RBMS3: variants seen among roughly 807,000 people sequenced by gnomAD.
RBMS3 encodes RNA binding motif single stranded interacting protein 3.
A neutral mutation model predicts 66.8 loss-of-function variants in RBMS3; 27 were observed. The ratio of observed to expected loss-of-function variants is 0.40; its 90% CI spans 0.30 to 0.56. RBMS3 has a LOEUF of 0.56. Among genes scored for constraint, RBMS3 ranks in the 20% least tolerant of loss-of-function variants. RBMS3 has a pLI of 0.40. For synonymous variants in RBMS3, 188 were observed against 183.0 expected (o/e 1.03, Z -0.22); for missense variants, 513 against 549.5 (o/e 0.93, Z 0.66).
intron 3 of RBMS3, among the ~76,000 whole-genome samples, chr3:29,578,303 G>A (rs1309989690): frequency 6.6e-6 from 1 of 152,084 alleles, no homozygotes; most frequent in Non-Finnish European, 1.5e-5. Flanking sequence ...TGTTTTGTTT[G>A]GCTTGTTTTT....
chr3:29,711,638 A>G (rs922386224), intron 4 of RBMS3, among the ~76,000 whole-genome samples: 3 of 152,178 alleles, frequency 2.0e-5, no homozygotes, highest in Middle Eastern at 3.2e-3. Flanking sequence ...TCTCAGAATG[A>G]GCTTGTGGCA....
At chr3:29,352,072 T>C (rs922613684) in intron 1 of RBMS3, among the ~76,000 whole-genome samples, 1 of 152,038 alleles carries the variant, frequency 6.6e-6, no homozygotes, top group Non-Finnish European at 1.5e-5. Flanking sequence ...TCTGAATTCT[T>C]CTATTTTTTA....
intron 7 of RBMS3, among the ~76,000 whole-genome samples, chr3:29,882,869 A>T (rs17271872): frequency 0.013 from 2,052 of 152,172 alleles, 46 homozygotes; most frequent in African/African-American, 0.047. Context: ...TTCATAGCTC[A>T]TCCACTTTTT....
rs539483785 is a variant in RBMS3, at chr3:29,822,135, G to T, written c.638-46723G>T. Among the ~76,000 whole-genome samples, 78 of 152,242 alleles carry T rather than the reference G, an allele frequency of 5.1e-4. 1 individual carries two copies. The highest frequency in any genetic ancestry group is 1.8e-3 in the African/African-American group (76 of 41,560). ...TGTGTGCTTTTCATCACAGTGGCAG[G>T]TGCTTCTCTTTTTTTCACATTTGCT... On this transcript the variant is annotated intron_variant, in intron 6 of 14. Transcript: ENST00000383767.
chr3:29,712,510 A>G (rs1335181147), intron 4 of RBMS3, among the ~76,000 whole-genome samples: 1 of 152,000 alleles, frequency 6.6e-6, no homozygotes. Flanking sequence ...ACAGAGTTTC[A>G]CCATGTTGTC....
At chr3:29,665,814 G>A (rs1372598998) in intron 4 of RBMS3, among the ~76,000 whole-genome samples, 1 of 152,130 alleles carries the variant, frequency 6.6e-6, no homozygotes, top group Non-Finnish European at 1.5e-5. Flanking sequence ...GATTCTATAT[G>A]AAACTTACCA....
At chr3:29,985,632 G>A (rs1216113986) in intron 12 of RBMS3, among the ~76,000 whole-genome samples, 3 of 152,110 alleles carry the variant, frequency 2.0e-5, no homozygotes, top group Admixed American at 1.3e-4. Flanking sequence ...CTTCCCAGGT[G>A]AGGCGATACC....
intron 1 of RBMS3, among the ~76,000 whole-genome samples, chr3:29,358,745 T>C (rs1320194045): frequency 1.3e-5 from 2 of 152,172 alleles, no homozygotes; most frequent in African/African-American, 2.4e-5. Context: ...GTAGTTCTCC[T>C]TGAAGAGGTC....
At chr3:29,430,624 C>T (rs1467886883) in intron 1 of RBMS3, among the ~76,000 whole-genome samples, 1 of 152,080 alleles carries the variant, frequency 6.6e-6, no homozygotes, top group African/African-American at 2.4e-5. Context: ...ACAAAGAGCC[C>T]TAGGGGGGAA....
At chr3:29,473,263 T>C (rs1019857870) in intron 2 of RBMS3, among the ~76,000 whole-genome samples, 5 of 150,884 alleles carry the variant, frequency 3.3e-5, no homozygotes, top group African/African-American at 1.2e-4. Context: ...TTTACAAACC[T>C]TGAGCTAGAG....
intron 6 of RBMS3, among the ~76,000 whole-genome samples, chr3:29,866,330 T>C (rs1577030157): frequency 6.6e-6 from 1 of 152,274 alleles, no homozygotes. Context: ...AACTTACCTG[T>C]GGGTGTAATG....
intron 12 of RBMS3, among the ~76,000 whole-genome samples, chr3:29,945,628 AT>A (rs1277149741): frequency 6.6e-6 from 1 of 151,766 alleles, no homozygotes; most frequent in Non-Finnish European, 1.5e-5. Context: ...ATTTACCAAT[AT>A]TCATAAAAAT....
At chr3:29,452,333 T>C (rs2042043172) in intron 2 of RBMS3, among the ~76,000 whole-genome samples, 1 of 152,126 alleles carries the variant, frequency 6.6e-6, no homozygotes, top group Non-Finnish European at 1.5e-5. Context: ...GAAGCAAAAA[T>C]GAGAAAACCC....
intron 4 of RBMS3, among the ~76,000 whole-genome samples, chr3:29,668,183 TAGGACTGGAGG>T (rs1376740977): frequency 6.6e-6 from 1 of 152,188 alleles, no homozygotes; most frequent in African/African-American, 2.4e-5. Context: ...ACAAAAATGT[TAGGACTGGAGG>T]AGAAAAGAGC....
rs930374020 is a variant in RBMS3 at position 29,414,534 on chromosome 3, T to C, written c.76-20209T>C. Among the ~76,000 whole-genome samples the C allele has an allele frequency of 4.6e-5, 7 of 152,356 alleles. 1 individual carries two copies. The highest frequency in any genetic ancestry group is 6.8e-3 in the Middle Eastern group (2 of 294). ...CATTTTCTTGCTATTTATCCATGCT[T>C]GGAATTACTTCATTCATTAGTTCTG... On this transcript the variant is annotated intron_variant, in intron 1 of 14. Transcript: ENST00000383767.
chr3:29,505,030 A>G (rs2044129687), intron 3 of RBMS3, among the ~76,000 whole-genome samples: 1 of 151,960 alleles, frequency 6.6e-6, no homozygotes, highest in Non-Finnish European at 1.5e-5. Context: ...CACCATGTTG[A>G]TTGTTTCCTT....
intron 4 of RBMS3, among the ~76,000 whole-genome samples, chr3:29,717,721 G>C (rs922551989): frequency 6.6e-6 from 1 of 152,024 alleles, no homozygotes; most frequent in African/African-American, 2.4e-5. Flanking sequence ...TACTTACCTC[G>C]TAAGTAGTAA....
chr3:29,565,397 G>T (rs2046705901), intron 3 of RBMS3, among the ~76,000 whole-genome samples: 1 of 152,188 alleles, frequency 6.6e-6, no homozygotes, highest in African/African-American at 2.4e-5. Flanking sequence ...GGCAGGACTT[G>T]AAAACAGTGA....
chr3:29,963,193 A>T (rs537024827), intron 12 of RBMS3, among the ~76,000 whole-genome samples: 1 of 152,298 alleles, frequency 6.6e-6, no homozygotes, highest in African/African-American at 2.4e-5. Context: ...ATATTTAAAC[A>T]TCATTTCCCA....
Sources: allele counts gnomAD v4.1 joint callset (sites outside exome capture counted in the v4.1 genomes callset), GRCh38; gene constraint gnomAD v4.1.1; transcripts MANE v1.5; gene names NCBI Gene and HGNC (gene_info 2026-07-23, HGNC 2026-07-21).